SPTLC3: variants seen among roughly 807,000 people sequenced by gnomAD.
SPTLC3 encodes serine palmitoyltransferase 3.
Under a neutral mutation model 59.3 loss-of-function variants are expected in SPTLC3, and 36 were observed. That is an observed-to-expected ratio of 0.61 (90% CI 0.47 to 0.80). The LOEUF (loss-of-function observed/expected upper bound fraction) is 0.80. Among genes scored for constraint, SPTLC3 ranks in the 30% least tolerant of loss-of-function variants. The pLI is 0.00. For synonymous variants in SPTLC3, 257 were observed against 240.8 expected (o/e 1.07, Z -0.62); for missense variants, 625 against 685.1 (o/e 0.91, Z 0.98).
intron 2 of SPTLC3, among the ~76,000 whole-genome samples, chr20:13,052,993 G>A (rs573967853): frequency 3.9e-5 from 6 of 152,300 alleles, no homozygotes; most frequent in African/African-American, 1.4e-4. Context: ...GTTCTTGCCT[G>A]CTGGCTCTGA....
chr20:13,012,055 T>C (rs1985282861), intron 1 of SPTLC3, among the ~76,000 whole-genome samples: 1 of 152,220 alleles, frequency 6.6e-6, no homozygotes, highest in South Asian at 2.1e-4. Flanking sequence ...ATCCACATAA[T>C]TGCTTTTTAA....
intron 2 of SPTLC3, among the ~76,000 whole-genome samples, chr20:13,058,805 C>T (rs1396048365): frequency 6.6e-6 from 1 of 152,188 alleles, no homozygotes; most frequent in East Asian, 1.9e-4. Context: ...TAGTCTAAGA[C>T]CACATGTTGA....
At chr20:13,071,369 C>T (rs978564655) in intron 2 of SPTLC3, among the ~76,000 whole-genome samples, 8 of 152,098 alleles carry the variant, frequency 5.3e-5, no homozygotes, top group Admixed American at 3.3e-4. Flanking sequence ...CATTCCTACG[C>T]GTGATGTTAG....
rs1989671927 is a variant in SPTLC3, at chr20:13,103,085, A to G, written c.827-7027A>G. ...TCCACATGTTTAAAGAGCCATCCAG[A>G]AAACCTGAGCCAAAGTCCTTGCACA... On this transcript the variant is annotated intron_variant, in intron 6 of 11. Coordinates refer to ENST00000399002, the MANE Select transcript of SPTLC3 (RefSeq NM_018327.4). Among the ~76,000 whole-genome samples the G allele has an allele frequency of 1.3e-5, 2 of 152,180 alleles. 1 individual carries two copies. Among genetic ancestry groups the G allele is most frequent in the African/African-American group, 4.8e-5 (2 of 41,430 alleles).
chr20:13,069,152 T>G (rs1260758220), intron 2 of SPTLC3, among the ~76,000 whole-genome samples: 1 of 152,212 alleles, frequency 6.6e-6, no homozygotes, highest in Non-Finnish European at 1.5e-5. Flanking sequence ...GGCAACCTGC[T>G]GGCCCTAGTT....
chr20:13,059,602 T>C (rs1239307484), intron 2 of SPTLC3, among the ~76,000 whole-genome samples: 1 of 152,144 alleles, frequency 6.6e-6, no homozygotes, highest in Non-Finnish European at 1.5e-5. Flanking sequence ...CTTTGGCAAT[T>C]AACGGTTACA....
intron 4 of SPTLC3, among the ~76,000 whole-genome samples, chr20:13,082,440 T>G (rs542759452): frequency 1.3e-5 from 2 of 151,146 alleles, no homozygotes; most frequent in East Asian, 3.9e-4. Flanking sequence ...TTTGTACAGT[T>G]TTAAATAATT....
intron 9 of SPTLC3, among the ~76,000 whole-genome samples, chr20:13,146,952 G>C (rs916712791): frequency 2.0e-5 from 3 of 152,136 alleles, no homozygotes; most frequent in African/African-American, 7.2e-5. Context: ...CTGTGAAGTG[G>C]GCCCAAAAAG....
intron 1 of SPTLC3, among the ~76,000 whole-genome samples, chr20:13,043,267 C>T (rs1164544516): frequency 2.0e-5 from 3 of 152,186 alleles, no homozygotes; most frequent in African/African-American, 7.2e-5. Context: ...ATTTCATCCT[C>T]CCTGAGCCAA....
intron 4 of SPTLC3, chr20:13,079,687 T>A: frequency 2.2e-6 from 1 of 447,744 alleles, no homozygotes; most frequent in Non-Finnish European, 4.6e-6. Flanking sequence ...TTTTCTGGTT[T>A]GTTGCTTATG....
At chr20:13,027,500 G>A (rs562499736) in intron 1 of SPTLC3, among the ~76,000 whole-genome samples, 39 of 152,178 alleles carry the variant, frequency 2.6e-4, no homozygotes, top group African/African-American at 8.4e-4. Flanking sequence ...TCTACATTCA[G>A]GAATGCCTTC....
intron 1 of SPTLC3, among the ~76,000 whole-genome samples, chr20:13,033,437 T>C (rs186938929): frequency 1.3e-5 from 2 of 152,278 alleles, no homozygotes; most frequent in Non-Finnish European, 2.9e-5. Context: ...GCTTCCAAGG[T>C]CATCTTGGCC....
intron 1 of SPTLC3, among the ~76,000 whole-genome samples, chr20:13,023,126 T>C (rs992242125): frequency 6.6e-6 from 1 of 151,882 alleles, no homozygotes; most frequent in Non-Finnish European, 1.5e-5. Flanking sequence ...CTTCTCCTAC[T>C]TGAAGTCTTC....
intron 1 of SPTLC3, among the ~76,000 whole-genome samples, chr20:13,045,237 G>A (rs1263843944): frequency 2.0e-5 from 3 of 152,068 alleles, no homozygotes; most frequent in African/African-American, 7.2e-5. Flanking sequence ...ACCCCAGGAT[G>A]TCACATCATC....
chr20:13,132,886 G>A (rs1305746774), intron 9 of SPTLC3: 2 of 152,424 alleles, frequency 1.3e-5, no homozygotes, highest in African/African-American at 4.8e-5. Context: ...CTATTCCGCT[G>A]GCTTCCCATC....
chr20:13,046,102 CA>C (rs1987219895), intron 1 of SPTLC3, among the ~76,000 whole-genome samples: 3 of 152,188 alleles, frequency 2.0e-5, no homozygotes, highest in Non-Finnish European at 4.4e-5. Flanking sequence ...TGAGGTCACC[CA>C]CACTGGGTTC....
At chr20:13,128,976 A>C (rs778258264) in intron 9 of SPTLC3, among the ~76,000 whole-genome samples, 1 of 151,080 alleles carries the variant, frequency 6.6e-6, no homozygotes, top group Non-Finnish European at 1.5e-5. Context: ...TCCTGGGTTC[A>C]AGCAATACTC....
At chr20:13,078,097 T>C (rs1238411307) in intron 4 of SPTLC3, among the ~76,000 whole-genome samples, 1 of 148,378 alleles carries the variant, frequency 6.7e-6, no homozygotes, top group Non-Finnish European at 1.5e-5. Flanking sequence ...TTATATATTT[T>C]ATATATAAAA....
intron 1 of SPTLC3, among the ~76,000 whole-genome samples, chr20:13,023,699 C>A (rs559236537): frequency 1.1e-4 from 17 of 152,246 alleles, no homozygotes; most frequent in African/African-American, 4.1e-4. Flanking sequence ...ATCACAAAGT[C>A]ATTAGATTAC....
Sources: allele counts gnomAD v4.1 joint callset (sites outside exome capture counted in the v4.1 genomes callset), GRCh38; gene constraint gnomAD v4.1.1; transcripts MANE v1.5; gene names NCBI Gene and HGNC (gene_info 2026-07-23, HGNC 2026-07-21).